The following CDH13 variants were observed in gnomAD, a reference collection of about 807,000 sequenced individuals.
CDH13 encodes cadherin-13.
In CDH13, 24 loss-of-function variants were observed where a neutral mutation model predicts 63.8. The ratio of observed to expected loss-of-function variants is 0.38; its 90% confidence interval spans 0.27 to 0.53. The LOEUF (loss-of-function observed/expected upper bound fraction) is 0.53. CDH13 is among the 20% of genes least tolerant of loss of function. CDH13 has a pLI of 0.85. For missense variants in CDH13, 1,049 were observed against 903.1 expected (o/e 1.16, Z -2.07); for synonymous variants, 503 against 355.3 (o/e 1.42, Z -4.67).
Position 83,453,966 on chromosome 16 carries a change from G to A in CDH13, c.782-32511G>A, listed in dbSNP as rs58418190. Among the ~76,000 whole-genome samples the A allele has an allele frequency of 2.9e-3, 439 of 152,306 alleles. 2 individuals carry two copies. Among genetic ancestry groups the A allele is most frequent in the Admixed American group, 9.9e-3 (152 of 15,306 alleles). ...CTGCCTTCCCAAGCAGGGTGTGCAC[G>A]CAGGCACCCTCTGAAGGCTAGGTTC... On this transcript the variant is annotated intron_variant, in intron 6 of 13. Coordinates refer to ENST00000567109, the MANE Select transcript of CDH13 (RefSeq NM_001257.5).
intron 2 of CDH13, among the ~76,000 whole-genome samples, chr16:82,943,636 GTCAA>G (rs1904371912): frequency 1.3e-5 from 2 of 152,148 alleles, no homozygotes; most frequent in African/African-American, 4.8e-5. Flanking sequence ...CCCCTATCAA[GTCAA>G]TCAAATATTT....
intron 1 of CDH13, among the ~76,000 whole-genome samples, chr16:82,656,741 A>G (rs902498629): frequency 1.3e-5 from 2 of 151,360 alleles, no homozygotes; most frequent in African/African-American, 2.4e-5. Context: ...TTGCCTACCC[A>G]CTCCCTTCTC....
chr16:83,577,889 T>G (rs1349717481), intron 7 of CDH13, among the ~76,000 whole-genome samples: 1 of 152,250 alleles, frequency 6.6e-6, no homozygotes, highest in Non-Finnish European at 1.5e-5. Flanking sequence ...TAATTGCTGT[T>G]AATATCTTGC....
chr16:83,781,706 C>G (rs956924665), intron 12 of CDH13, among the ~76,000 whole-genome samples: 1 of 151,454 alleles, frequency 6.6e-6, no homozygotes. Flanking sequence ...ATGGCTATAG[C>G]CTATTTGAAT....
At chr16:83,252,366 G>T (rs1272595435) in intron 5 of CDH13, among the ~76,000 whole-genome samples, 1 of 151,016 alleles carries the variant, frequency 6.6e-6, no homozygotes, top group Non-Finnish European at 1.5e-5. Flanking sequence ...GGATGTTATG[G>T]TTAATATAAT....
intron 2 of CDH13, among the ~76,000 whole-genome samples, chr16:82,956,445 C>T (rs972778086): frequency 6.6e-6 from 1 of 152,126 alleles, no homozygotes; most frequent in African/African-American, 2.4e-5. Context: ...CCTCATGGAT[C>T]GTTATTACCC....
intron 6 of CDH13, among the ~76,000 whole-genome samples, chr16:83,361,585 G>T (rs1217879337): frequency 6.6e-6 from 1 of 152,120 alleles, no homozygotes; most frequent in Non-Finnish European, 1.5e-5. Context: ...AATATTTAAT[G>T]CATCTTGAGT....
Position 83,793,626 on chromosome 16 carries a change from C to G in CDH13, c.2135-1397C>G, listed in dbSNP as rs556366974. On this transcript the variant is annotated intron_variant, in intron 13 of 13. Transcript: ENST00000567109. The stretch of plus-strand genomic sequence containing the variant: ...GGCCCCCAAAGATGTACTCTTCATC[C>G]TAATCCCTGGAACCTGTAAACATGT... Among the ~76,000 whole-genome samples the G allele has an allele frequency of 5.9e-5, 9 of 152,204 alleles. No individual in the cohort carries two copies. The East Asian group carries it at 1.7e-3, about 29-fold the overall frequency.
At chr16:83,497,450 G>C (rs1408384612) in intron 7 of CDH13, among the ~76,000 whole-genome samples, 1 of 142,408 alleles carries the variant, frequency 7.0e-6, no homozygotes, top group South Asian at 2.2e-4. Flanking sequence ...TCATAGGTGG[G>C]AACTGAACAG....
chr16:83,271,118 T>C (rs2088793327), intron 5 of CDH13, among the ~76,000 whole-genome samples: 1 of 151,982 alleles, frequency 6.6e-6, no homozygotes, highest in Non-Finnish European at 1.5e-5. Flanking sequence ...AATTGCCTCT[T>C]CTTGGAAAGC....
chr16:82,796,361 A>G (rs182478180), intron 1 of CDH13, among the ~76,000 whole-genome samples: 7 of 152,284 alleles, frequency 4.6e-5, no homozygotes, highest in African/African-American at 1.4e-4. Flanking sequence ...ACCACCTTCA[A>G]CATCTCCCCA....
chr16:83,360,711 T>C (rs1219168484), intron 6 of CDH13, among the ~76,000 whole-genome samples: 3 of 152,188 alleles, frequency 2.0e-5, no homozygotes, highest in African/African-American at 7.2e-5. Context: ...TGTGCTGTTT[T>C]TGGTCTTCTG....
chr16:82,873,662 A>C lies in CDH13; in HGVS notation c.157+15189A>C, dbSNP rs897765524. ...ACAAGATAGCACATACAAAGGAGTGACAGCAGTGCCTGCTACATGCAATAT... is the reference window on the plus strand; with the variant it reads ...ACAAGATAGCACATACAAAGGAGTGCCAGCAGTGCCTGCTACATGCAATAT... On this transcript the variant is annotated intron_variant, in intron 2 of 13. Coordinates refer to ENST00000567109, the MANE Select transcript of CDH13 (RefSeq NM_001257.5). Among the ~76,000 whole-genome samples, 4 of 152,236 alleles carry C rather than the reference A, an allele frequency of 2.6e-5. No homozygotes were observed. In the South Asian group the frequency reaches 6.2e-4, roughly 24 times the overall value.
intron 8 of CDH13, among the ~76,000 whole-genome samples, chr16:83,666,007 T>C (rs973864752): frequency 1.3e-5 from 2 of 152,360 alleles, no homozygotes; most frequent in South Asian, 2.1e-4. Context: ...ATAAGCCCAG[T>C]ACATAGTCCC....
At chr16:83,519,361 C>A (rs1360051419) in intron 7 of CDH13, among the ~76,000 whole-genome samples, 2 of 152,036 alleles carry the variant, frequency 1.3e-5, no homozygotes, top group Non-Finnish European at 2.9e-5. Flanking sequence ...TTTTGGAGTC[C>A]CCAGAAGACA....
chr16:83,023,407 A>G (rs1012616912), intron 2 of CDH13, among the ~76,000 whole-genome samples: 24 of 152,036 alleles, frequency 1.6e-4, no homozygotes, highest in South Asian at 6.2e-4. Context: ...TTATATGTGT[A>G]TATTTTTTGC....
chr16:83,107,381 A>C (rs1362358273), intron 3 of CDH13, among the ~76,000 whole-genome samples: 2 of 152,206 alleles, frequency 1.3e-5, no homozygotes, highest in African/African-American at 4.8e-5. Context: ...AGTTTGGTAC[A>C]TAATAGGTGC....
At chr16:83,061,224 T>C (rs147480325) in intron 3 of CDH13, among the ~76,000 whole-genome samples, 78 of 152,296 alleles carry the variant, frequency 5.1e-4, no homozygotes, top group Non-Finnish European at 8.1e-4. Flanking sequence ...TCTAATTATG[T>C]GGTCCACACA....
chr16:83,265,635 A>G (rs1907517451), intron 5 of CDH13, among the ~76,000 whole-genome samples: 1 of 151,222 alleles, frequency 6.6e-6, no homozygotes, highest in South Asian at 2.1e-4. Context: ...TGTTTTGTGA[A>G]TACAGTATCC....
Sources: gnomAD v4.1 joint callset for allele counts (sites outside exome capture counted in the v4.1 genomes callset) on GRCh38, gnomAD v4.1.1 for gene constraint, MANE v1.5 for transcripts, NCBI Gene and HGNC (gene_info 2026-07-23, HGNC 2026-07-21) for gene names.